Variants in CHSY3 observed in about 807,000 individuals in gnomAD.
The protein encoded by CHSY3 is N-acetylgalactosaminyl-proteoglycan 3-beta-glucuronosyltransferase 3.
Under a neutral mutation model 67.2 loss-of-function variants are expected in CHSY3, and 35 were observed. The observed-to-expected ratio is 0.52, with a 90% CI of 0.40 to 0.69. CHSY3 has a LOEUF of 0.69. CHSY3 is among the 30% of genes least tolerant of loss of function. The pLI is 0.00. For missense variants in CHSY3, 1,069 were observed against 1,138.5 expected, an observed-to-expected ratio of 0.94 and a Z score of 0.88; for synonymous variants, 474 against 434.7, an observed-to-expected ratio of 1.09 and a Z score of -1.12.
At chr5:130,003,398 A>G (rs1374422882) in intron 2 of CHSY3, among the ~76,000 whole-genome samples, 2 of 152,180 alleles carry the variant, frequency 1.3e-5, no homozygotes, top group Admixed American at 6.5e-5. Flanking sequence ...TCAGACTTGG[A>G]TCTGATACAA....
At chr5:130,020,326 A>C (rs1580655842) in intron 2 of CHSY3, among the ~76,000 whole-genome samples, 2 of 151,356 alleles carry the variant, frequency 1.3e-5, no homozygotes, top group East Asian at 3.9e-4. Flanking sequence ...AGGCTGAGGC[A>C]GGAGAATTGC....
At chr5:130,036,311 G>A (rs114400118) in intron 2 of CHSY3, among the ~76,000 whole-genome samples, 379 of 152,168 alleles carry the variant, frequency 2.5e-3, no homozygotes, top group Non-Finnish European at 3.2e-3. Context: ...TGATTTGCAT[G>A]CATTCTTAAA....
At chr5:130,049,723 C>T (rs1278598351) in intron 2 of CHSY3, among the ~76,000 whole-genome samples, 1 of 151,536 alleles carries the variant, frequency 6.6e-6, no homozygotes, top group Non-Finnish European at 1.5e-5. Flanking sequence ...TAGTTTTGTT[C>T]CACAGTCAAG....
chr5:129,927,511 C>T (rs1400705318), intron 2 of CHSY3, among the ~76,000 whole-genome samples: 1 of 151,742 alleles, frequency 6.6e-6, no homozygotes, highest in East Asian at 1.9e-4. Flanking sequence ...TCAAGTATGT[C>T]GTTTGCAGAA....
intron 2 of CHSY3, among the ~76,000 whole-genome samples, chr5:129,952,393 A>G (rs1762048474): frequency 6.6e-6 from 1 of 152,220 alleles, no homozygotes. Flanking sequence ...TATTAATATA[A>G]TTGAAATAAG....
Position 130,053,085 on chromosome 5 carries a change from A to G in CHSY3, c.1087-131144A>G, listed in dbSNP as rs571282390. 1.9e-3 allele frequency among the ~76,000 whole-genome samples: 293 copies of G among 152,270 alleles called. 1 individual carries two copies. The highest frequency in any genetic ancestry group is 6.8e-3 in the African/African-American group (283 of 41,564). ...GAAGGCAGTATCCTAAAGATTAGAC[A>G]TGGCTCAATAATTTATGTATTCCCA... is the stretch of plus-strand genomic sequence containing the variant. On this transcript the variant is annotated intron_variant, in intron 2 of 2. Coordinates refer to ENST00000305031, the MANE Select transcript of CHSY3 (RefSeq NM_175856.5).
chr5:130,134,047 T>G (rs1768579809), intron 2 of CHSY3, among the ~76,000 whole-genome samples: 2 of 152,220 alleles, frequency 1.3e-5, no homozygotes, highest in South Asian at 4.1e-4. Context: ...ATTTTTCCAC[T>G]AATTTTTTAA....
intron 2 of CHSY3, among the ~76,000 whole-genome samples, chr5:130,177,275 T>C (rs1458737236): frequency 6.6e-6 from 1 of 151,854 alleles, no homozygotes; most frequent in East Asian, 1.9e-4. Flanking sequence ...TAACTGCTTC[T>C]CCAGATTCAC....
chr5:130,042,421 T>TG, intron 2 of CHSY3, among the ~76,000 whole-genome samples: 1 of 152,172 alleles, frequency 6.6e-6, no homozygotes, highest in East Asian at 1.9e-4. Context: ...AATTTTGAAT[T>TG]GTTGGAACCT....
chr5:130,119,049 A>T lies in CHSY3; in HGVS notation c.1087-65180A>T, dbSNP rs890469928. On this transcript the variant is annotated intron_variant, in intron 2 of 2. Coordinates refer to ENST00000305031, the MANE Select transcript of CHSY3 (RefSeq NM_175856.5). ...ACTGTTAATGACTTAGAGGCAAAGG[A>T]TATAAACAAACACTATCCTAGGAAG... Among the ~76,000 whole-genome samples the T allele has an allele frequency of 2.0e-5, 3 of 152,144 alleles. No individual in the cohort carries two copies. The South Asian group carries it at 6.2e-4, about 32-fold the overall frequency.
chr5:129,934,500 G>A (rs1294602863), intron 2 of CHSY3, among the ~76,000 whole-genome samples: 1 of 152,092 alleles, frequency 6.6e-6, no homozygotes, highest in African/African-American at 2.4e-5. Flanking sequence ...TTTATCCTAT[G>A]TTGTTCAGTA....
chr5:130,126,593 CAG>C (rs1229186601), intron 2 of CHSY3, among the ~76,000 whole-genome samples: 1 of 152,062 alleles, frequency 6.6e-6, no homozygotes, highest in Non-Finnish European at 1.5e-5. Context: ...AAGAGAGAGA[CAG>C]AAACAGAGAG....
At chr5:130,053,990 T>C (rs1765449242) in intron 2 of CHSY3, among the ~76,000 whole-genome samples, 1 of 152,194 alleles carries the variant, frequency 6.6e-6, no homozygotes, top group Non-Finnish European at 1.5e-5. Context: ...CTTTCCTCAG[T>C]TTTAAGACAT....
chr5:130,181,034 A>G (rs573360191), intron 2 of CHSY3, among the ~76,000 whole-genome samples: 1 of 152,144 alleles, frequency 6.6e-6, no homozygotes, highest in Non-Finnish European at 1.5e-5. Context: ...AGGTTTTTTG[A>G]GAAGATTTTC....
chr5:130,013,954 A>T (rs1445817207), intron 2 of CHSY3, among the ~76,000 whole-genome samples: 1 of 152,154 alleles, frequency 6.6e-6, no homozygotes, highest in Non-Finnish European at 1.5e-5. Flanking sequence ...TGCAGTTAGA[A>T]ATTTCTTCCA....
At chr5:130,000,302 AAAT>A (rs1237981389) in intron 2 of CHSY3, among the ~76,000 whole-genome samples, 3 of 152,340 alleles carry the variant, frequency 2.0e-5, no homozygotes, top group Admixed American at 1.3e-4. Context: ...TAGCAGGTAC[AAAT>A]AATAAGGTAG....
intron 2 of CHSY3, among the ~76,000 whole-genome samples, chr5:130,131,618 A>T (rs568832181): frequency 6.0e-4 from 91 of 152,294 alleles, no homozygotes; most frequent in African/African-American, 2.1e-3. Context: ...GTCCAAGTTA[A>T]TCCAGGCAAT....
chr5:130,123,717 TAAAAAAG>T (rs1768134083), intron 2 of CHSY3, among the ~76,000 whole-genome samples: 1 of 151,346 alleles, frequency 6.6e-6, no homozygotes, highest in Admixed American at 6.6e-5. Flanking sequence ...TGCCCTAAAA[TAAAAAAG>T]AAAAAAGAGA....
chr5:130,055,984 T>C (rs1765519732), intron 2 of CHSY3, among the ~76,000 whole-genome samples: 2 of 152,186 alleles, frequency 1.3e-5, no homozygotes, highest in African/African-American at 2.4e-5. Flanking sequence ...CTTTCCCTTT[T>C]GATCACATAA....
Sources: gnomAD v4.1 joint callset for allele counts (sites outside exome capture counted in the v4.1 genomes callset) on GRCh38, gnomAD v4.1.1 for gene constraint, MANE v1.5 for transcripts, NCBI Gene and HGNC (gene_info 2026-07-23, HGNC 2026-07-21) for gene names.